Variants in IQCM observed in about 807,000 individuals in gnomAD.
IQCM encodes IQ domain-containing protein M.
In IQCM, 45 loss-of-function variants were observed where a neutral mutation model predicts 57.6. That is an observed-to-expected ratio of 0.78 (90% CI 0.62 to 1.00). The LOEUF is 1.00. IQCM is among the 50% of genes least tolerant of loss of function. The pLI, the probability that IQCM is intolerant of heterozygous loss-of-function variation, is 0.00. For synonymous variants in IQCM, 148 were observed against 158.9 expected, an observed-to-expected ratio of 0.93 and a Z score of 0.51; for missense variants, 468 against 511.6, an observed-to-expected ratio of 0.91 and a Z score of 0.82.
chr4:149,497,849 G>A (rs1007232754), intron 12 of IQCM, among the ~76,000 whole-genome samples: 5 of 150,542 alleles, frequency 3.3e-5, no homozygotes, highest in South Asian at 2.1e-4. Flanking sequence ...AAATTTTTTC[G>A]CTTAGTATTT....
chr4:149,466,924 C>T (rs1738914662), intron 12 of IQCM, among the ~76,000 whole-genome samples: 1 of 152,140 alleles, frequency 6.6e-6, no homozygotes, highest in African/African-American at 2.4e-5. Context: ...AAGCCTCCCT[C>T]CAGCTTCTTT....
intron 13 of IQCM, among the ~76,000 whole-genome samples, chr4:149,355,213 C>A (rs1175850893): frequency 1.3e-5 from 2 of 151,870 alleles, no homozygotes; most frequent in East Asian, 1.9e-4. Flanking sequence ...CATAATATAT[C>A]TTTAATCTTT....
At chr4:149,716,237 T>C (rs1457731127) in intron 5 of IQCM, among the ~76,000 whole-genome samples, 1 of 152,180 alleles carries the variant, frequency 6.6e-6, no homozygotes, top group Non-Finnish European at 1.5e-5. Flanking sequence ...CTCCGTCCCA[T>C]GCTTGTTGGT....
chr4:149,481,851 T>C (rs1000218854), intron 12 of IQCM, among the ~76,000 whole-genome samples: 1 of 151,598 alleles, frequency 6.6e-6, no homozygotes, highest in African/African-American at 2.4e-5. Flanking sequence ...AATCTGTAGA[T>C]TGCTTTGGGT....
At chr4:149,763,099 G>T (rs541213190) in intron 2 of IQCM, among the ~76,000 whole-genome samples, 254 of 151,938 alleles carry the variant, frequency 1.7e-3, no homozygotes, top group African/African-American at 5.8e-3. Context: ...ATCTAATATT[G>T]GCCTTCATCC....
intron 12 of IQCM, among the ~76,000 whole-genome samples, chr4:149,479,982 T>C (rs1318908100): frequency 6.6e-6 from 1 of 152,120 alleles, no homozygotes; most frequent in Non-Finnish European, 1.5e-5. Context: ...ATGTAGACAA[T>C]ATATGAAGTA....
chr4:149,376,894 G>A (rs1451766931), intron 13 of IQCM, among the ~76,000 whole-genome samples: 1 of 151,964 alleles, frequency 6.6e-6, no homozygotes, highest in East Asian at 1.9e-4. Flanking sequence ...CTTTCAGATT[G>A]TATTTGCTTT....
At chr4:149,717,216 C>T (rs1019379275) in intron 5 of IQCM, among the ~76,000 whole-genome samples, 59 of 152,166 alleles carry the variant, frequency 3.9e-4, no homozygotes, top group African/African-American at 1.4e-3. Context: ...GATGCTCATA[C>T]TTGAGAATAG....
chr4:149,557,611 T>G lies in IQCM; in HGVS notation c.949-4324A>C, dbSNP rs1327020466. Among the ~76,000 whole-genome samples the G allele has an allele frequency of 2.6e-5, 4 of 152,218 alleles. No individual in the cohort carries two copies. In the East Asian group the frequency reaches 5.8e-4, roughly 22 times the overall value. ...GCTTACTCTCACCAAATGGCCTAAT[T>G]CCTTACTTCACACAGGAAGAAAAAA... On this transcript the variant is annotated intron_variant, in intron 10 of 13. Transcript: ENST00000636793.
At chr4:149,748,152 G>A (rs1768102239) in intron 2 of IQCM, among the ~76,000 whole-genome samples, 2 of 152,152 alleles carry the variant, frequency 1.3e-5, no homozygotes, top group Non-Finnish European at 2.9e-5. Flanking sequence ...TCTGACTGAA[G>A]AGGATCTCAT....
intron 12 of IQCM, among the ~76,000 whole-genome samples, chr4:149,528,050 A>G (rs1746347227): frequency 6.7e-6 from 1 of 150,168 alleles, no homozygotes; most frequent in Admixed American, 6.6e-5. Flanking sequence ...CAGTGGCATG[A>G]TCTTTGCTCA....
Position 149,352,254 on chromosome 4 carries a change from A to G in IQCM, c.1391-188T>C, listed in dbSNP as rs182340317. On this transcript the variant is annotated intron_variant, in intron 13 of 13. Coordinates refer to ENST00000636793, the MANE Select transcript of IQCM (RefSeq NM_001363507.2). ...CCTTATATATCATGCCAAGAGACTCAAAGTTACTGTTAGACCAAAGCATTG... is the reference window on the plus strand; with the variant it reads ...CCTTATATATCATGCCAAGAGACTCGAAGTTACTGTTAGACCAAAGCATTG... 1.3e-4 allele frequency among the ~76,000 whole-genome samples: 20 copies of G among 152,294 alleles called. No homozygotes were observed. In the East Asian group the frequency reaches 3.9e-3, roughly 29 times the overall value.
chr4:149,667,424 A>G (rs1760834191), intron 7 of IQCM, among the ~76,000 whole-genome samples: 1 of 152,134 alleles, frequency 6.6e-6, no homozygotes, highest in Non-Finnish European at 1.5e-5. Flanking sequence ...CCCTATCTGA[A>G]GGTCACCAAC....
chr4:149,744,315 A>G (rs1189153431), intron 2 of IQCM, among the ~76,000 whole-genome samples: 2 of 152,222 alleles, frequency 1.3e-5, no homozygotes, highest in African/African-American at 4.8e-5. Context: ...TCCCTCAGCA[A>G]TTAACAATCA....
At chr4:149,376,792 C>G (rs1371859168) in intron 13 of IQCM, among the ~76,000 whole-genome samples, 2 of 152,076 alleles carry the variant, frequency 1.3e-5, no homozygotes, top group African/African-American at 4.8e-5. Flanking sequence ...CTAATTGAGT[C>G]TGATATGTAC....
At position 149,807,240 on chromosome 4, in the gene IQCM, A is replaced by T. The variant is rs528223501; in HGVS notation, c.-49+8071T>A. On this transcript the variant is annotated intron_variant, in intron 2 of 13. Coordinates refer to ENST00000636793, the MANE Select transcript of IQCM (RefSeq NM_001363507.2). ...AAAAAAGCAAGGCTAGAAATATCAC[A>T]CTACCTAATTTCAAATTATTCTAAA... 5.3e-5 allele frequency among the ~76,000 whole-genome samples: 8 copies of T among 152,092 alleles called. No homozygotes were observed. In the East Asian group the frequency reaches 1.5e-3, roughly 29 times the overall value.
At chr4:149,404,595 T>G (rs1200425947) in intron 13 of IQCM, among the ~76,000 whole-genome samples, 1 of 152,084 alleles carries the variant, frequency 6.6e-6, no homozygotes, top group African/African-American at 2.4e-5. Context: ...AGGTGGTGTT[T>G]ATTTCTTGGA....
intron 9 of IQCM, among the ~76,000 whole-genome samples, chr4:149,568,054 C>T (rs543947810): frequency 6.6e-6 from 1 of 152,122 alleles, no homozygotes; most frequent in Non-Finnish European, 1.5e-5. Flanking sequence ...ATCAATAAGG[C>T]ACATCCTGGG....
At chr4:149,783,986 A>G (rs895022951) in intron 2 of IQCM, among the ~76,000 whole-genome samples, 4 of 152,200 alleles carry the variant, frequency 2.6e-5, no homozygotes, top group African/African-American at 9.6e-5. Context: ...CAGGCTGGCT[A>G]GTTCATTGAA....
Sources: allele counts gnomAD v4.1 joint callset (sites outside exome capture counted in the v4.1 genomes callset), GRCh38; gene constraint gnomAD v4.1.1; transcripts MANE v1.5; gene names NCBI Gene and HGNC (gene_info 2026-07-23, HGNC 2026-07-21).